Variants in AGMO observed in about 807,000 individuals in gnomAD.
AGMO encodes the protein alkylglycerol monooxygenase.
AGMO carries 75 observed loss-of-function variants against 60.2 expected under a neutral mutation model. That is an observed-to-expected ratio of 1.25 (90% confidence interval 1.03 to 1.51). The LOEUF (loss-of-function observed/expected upper bound fraction) is 1.51, where lower values mean the gene tolerates loss of function less well. Ranked by LOEUF, AGMO falls within the 40% of genes most tolerant of loss-of-function variation. The pLI is 0.00. For synonymous variants in AGMO, 261 were observed against 177.1 expected (o/e 1.47, Z -3.76); for missense variants, 763 against 525.5 (o/e 1.45, Z -4.42).
At chr7:15,387,353 C>T in intron 9 of AGMO, 53 bp downstream of exon 9, 1 of 1,588,788 alleles carries the variant, frequency 6.3e-7, no homozygotes, top group Non-Finnish European at 8.6e-7. Flanking sequence ...TGGCTGTAGA[C>T]CTGACAATAT....
At chr7:15,278,107 C>T (rs1266969971) in intron 12 of AGMO, among the ~76,000 whole-genome samples, 2 of 145,282 alleles carry the variant, frequency 1.4e-5, no homozygotes, top group Admixed American at 1.4e-4. Context: ...TAACTGAAAG[C>T]CGTGGAATAC....
At chr7:15,534,351 T>C (rs1784435272) in intron 3 of AGMO, among the ~76,000 whole-genome samples, 1 of 152,006 alleles carries the variant, frequency 6.6e-6, no homozygotes, top group Non-Finnish European at 1.5e-5. Flanking sequence ...AATTAAAAAC[T>C]TCAAGTGTTG....
chr7:15,229,759 T>TTA (rs1479875181), intron 12 of AGMO, among the ~76,000 whole-genome samples: 6 of 147,572 alleles, frequency 4.1e-5, no homozygotes, highest in Non-Finnish European at 8.9e-5. Context: ...AAATAATTAG[T>TTA]TATATATATA....
At chr7:15,286,929 T>C (rs1203158301) in intron 12 of AGMO, among the ~76,000 whole-genome samples, 1 of 151,984 alleles carries the variant, frequency 6.6e-6, no homozygotes, top group Non-Finnish European at 1.5e-5. Flanking sequence ...AGGCAGCAAC[T>C]TGGATGGAGC....
chr7:15,131,841 TG>T, the AGMO span, among the ~76,000 whole-genome samples: 1 of 151,354 alleles, frequency 6.6e-6, no homozygotes, highest in African/African-American at 2.4e-5. Flanking sequence ...AGGAGACAGC[TG>T]GGTAGAGCAA....
At chr7:15,448,886 C>G (rs1781781615) in intron 3 of AGMO, among the ~76,000 whole-genome samples, 1 of 152,036 alleles carries the variant, frequency 6.6e-6, no homozygotes, top group African/African-American at 2.4e-5. Flanking sequence ...TTTTGTCAAT[C>G]CTTACAATGT....
intron 3 of AGMO, among the ~76,000 whole-genome samples, chr7:15,494,541 T>G (rs899456309): frequency 6.6e-6 from 1 of 152,176 alleles, no homozygotes; most frequent in Non-Finnish European, 1.5e-5. Context: ...AAGCACCCAG[T>G]AAAGCTGCTC....
chr7:15,551,209 T>G (rs1288707347), intron 2 of AGMO, among the ~76,000 whole-genome samples: 2 of 152,022 alleles, frequency 1.3e-5, no homozygotes, highest in Non-Finnish European at 2.9e-5. Context: ...ACAGCCAATA[T>G]CATACTGAAT....
At chr7:15,237,197 G>A (rs1782448649) in intron 12 of AGMO, among the ~76,000 whole-genome samples, 1 of 152,124 alleles carries the variant, frequency 6.6e-6, no homozygotes, top group African/African-American at 2.4e-5. Flanking sequence ...GCAGATTCCA[G>A]AAGCAGCAGC....
At chr7:15,376,907 T>C (rs1783478911) in intron 10 of AGMO, among the ~76,000 whole-genome samples, 1 of 152,064 alleles carries the variant, frequency 6.6e-6, no homozygotes, top group South Asian at 2.1e-4. Context: ...GGAATGTGTC[T>C]CTTACACCTT....
At chr7:15,194,301 G>C in the AGMO span, among the ~76,000 whole-genome samples, 12 of 152,028 alleles carry the variant, frequency 7.9e-5, no homozygotes, top group African/African-American at 2.9e-4. Flanking sequence ...CAGCTATGGA[G>C]CCAGCACATG....
chr7:15,269,235 C>T (rs1363375273), intron 12 of AGMO, among the ~76,000 whole-genome samples: 1 of 152,026 alleles, frequency 6.6e-6, no homozygotes, highest in Non-Finnish European at 1.5e-5. Context: ...CTTGTGTGTG[C>T]AAGTGAAGGT....
intron 10 of AGMO, among the ~76,000 whole-genome samples, chr7:15,377,697 G>T (rs1267257478): frequency 6.6e-6 from 1 of 151,992 alleles, no homozygotes; most frequent in African/African-American, 2.4e-5. Flanking sequence ...AGACACAGAT[G>T]ACCCTGGCTT....
At chr7:15,387,611 A>C in intron 8 of AGMO, 71 bp from the exon 9 acceptor site, 1 of 1,351,352 alleles carries the variant, frequency 7.4e-7, no homozygotes, top group Non-Finnish European at 1.0e-6. Context: ...AAAGTTATGT[A>C]TATTATTTTA....
chr7:15,420,957 T>G (rs1381786889), intron 4 of AGMO, among the ~76,000 whole-genome samples: 1 of 152,110 alleles, frequency 6.6e-6, no homozygotes, highest in East Asian at 1.9e-4. Context: ...CCCAGACCTA[T>G]GTGTTTGAGG....
At chr7:15,142,415 G>C in the AGMO span, among the ~76,000 whole-genome samples, 1 of 152,130 alleles carries the variant, frequency 6.6e-6, no homozygotes, top group Non-Finnish European at 1.5e-5. Context: ...AGGTTCTTCA[G>C]ATCTAGAAAG....
chr7:15,406,931 GCACACACA>G lies in AGMO; in HGVS notation c.609+11619_609+11626del, dbSNP rs375471235. On this transcript the variant is annotated intron_variant, in intron 5 of 12. Coordinates refer to ENST00000342526, the MANE Select transcript of AGMO (RefSeq NM_001004320.2). ...GCCCCTTTGTTTGGAATACACACGCGCACACACACACACACACACACGTATATTCCATA... is the reference window on the plus strand; with the variant it reads ...GCCCCTTTGTTTGGAATACACACGCGCACACACACACACGTATATTCCATA... Among the ~76,000 whole-genome samples the G allele has an allele frequency of 1.9e-3, 183 of 94,508 alleles. 4 individuals are homozygous for G. The highest frequency in any genetic ancestry group is 2.6e-3 in the Non-Finnish European group (117 of 45,558). 62.0% of individuals were successfully genotyped at this position (94,508 alleles called of 152,430 possible). A position where few individuals can be genotyped will look rare whatever the true frequency, so the allele number is the denominator to read the frequency against.
chr7:15,546,634 C>G (rs1562565937), intron 2 of AGMO, among the ~76,000 whole-genome samples: 1 of 152,246 alleles, frequency 6.6e-6, no homozygotes, highest in Non-Finnish European at 1.5e-5. Context: ...TGTCCACACA[C>G]AGGTGTGTGA....
intron 12 of AGMO, among the ~76,000 whole-genome samples, chr7:15,287,234 A>AT (rs1021725205): frequency 6.6e-6 from 1 of 152,164 alleles, no homozygotes; most frequent in African/African-American, 2.4e-5. Flanking sequence ...AATAAAATAT[A>AT]TTTTTTAAAA....
Sources: allele counts gnomAD v4.1 joint callset (sites outside exome capture counted in the v4.1 genomes callset), GRCh38; gene constraint gnomAD v4.1.1; transcripts MANE v1.5; gene names NCBI Gene and HGNC (gene_info 2026-07-23, HGNC 2026-07-21).